The following TENM2 variants were observed in gnomAD, a reference collection of about 807,000 sequenced individuals.
The protein encoded by TENM2 is teneurin transmembrane protein 2, also known as teneurin-2.
A neutral mutation model predicts 245.2 loss-of-function variants in TENM2; 52 were observed. That is an observed-to-expected ratio of 0.21 (90% CI 0.17 to 0.27). The LOEUF (loss-of-function observed/expected upper bound fraction) is 0.27. Ranked by LOEUF, TENM2 falls within the 10% of genes least tolerant of loss-of-function variation. The pLI is 1.00. For missense variants in TENM2, 3,046 were observed against 3,666.8 expected (o/e 0.83, Z 4.37); for synonymous variants, 1,363 against 1,438.9 (o/e 0.95, Z 1.19).
chr5:167,581,862 T>C (rs1775118866), intron 2 of TENM2, among the ~76,000 whole-genome samples: 1 of 152,138 alleles, frequency 6.6e-6, no homozygotes, highest in Non-Finnish European at 1.5e-5. Flanking sequence ...AAATTAGATA[T>C]TATTTTCATG....
At chr5:167,909,895 A>G (rs1221505188) in intron 3 of TENM2, among the ~76,000 whole-genome samples, 1 of 151,024 alleles carries the variant, frequency 6.6e-6, no homozygotes, top group East Asian at 1.9e-4. Flanking sequence ...CCTGGCTTTG[A>G]AATTGTGAGT....
chr5:167,830,389 C>T (rs1211547499), intron 2 of TENM2, among the ~76,000 whole-genome samples: 1 of 152,172 alleles, frequency 6.6e-6, no homozygotes, highest in Non-Finnish European at 1.5e-5. Context: ...TGGGTATAAT[C>T]TAACAAGTTA....
At chr5:167,877,373 AT>A (rs1457599287) in intron 3 of TENM2, among the ~76,000 whole-genome samples, 2 of 152,222 alleles carry the variant, frequency 1.3e-5, no homozygotes, top group Non-Finnish European at 2.9e-5. Flanking sequence ...GGCCTGATAT[AT>A]TTAGTAAACT....
At chr5:167,534,849 T>C (rs1771746087) in intron 2 of TENM2, among the ~76,000 whole-genome samples, 2 of 152,196 alleles carry the variant, frequency 1.3e-5, no homozygotes, top group Non-Finnish European at 2.9e-5. Flanking sequence ...CCCTCATTCC[T>C]GATGTCACCT....
chr5:167,858,593 C>T (rs960489366), intron 2 of TENM2, among the ~76,000 whole-genome samples: 2 of 151,920 alleles, frequency 1.3e-5, no homozygotes, highest in Admixed American at 6.6e-5. Context: ...GGAGCCCGTC[C>T]GGCCATGGTG....
At chr5:167,165,024 T>A in the TENM2 span, 2 of 152,220 alleles carry the variant, frequency 1.3e-5, 1 homozygote, top group South Asian at 4.1e-4. Context: ...ATCAGCAATA[T>A]GCAATAACTT....
the TENM2 span, among the ~76,000 whole-genome samples, chr5:167,183,987 A>G: frequency 6.6e-6 from 1 of 152,176 alleles, no homozygotes; most frequent in Non-Finnish European, 1.5e-5. Flanking sequence ...TTTTGCCTAG[A>G]AGCACACATA....
the TENM2 span, among the ~76,000 whole-genome samples, chr5:167,129,771 A>AT: frequency 6.6e-5 from 10 of 152,292 alleles, no homozygotes; most frequent in East Asian, 1.9e-4. Flanking sequence ...TCTGGCTGTG[A>AT]TTTTTTTCCC....
chr5:168,030,189 A>G (rs568078634), intron 5 of TENM2, among the ~76,000 whole-genome samples: 3 of 43,944 alleles, frequency 6.8e-5, no homozygotes, highest in Non-Finnish European at 1.2e-4. Context: ...TTTTTTTTTC[A>G]TCTTTCCACC....
chr5:167,975,610 G>C (rs1562006145), intron 4 of TENM2, among the ~76,000 whole-genome samples: 1 of 152,148 alleles, frequency 6.6e-6, no homozygotes, highest in Non-Finnish European at 1.5e-5. Flanking sequence ...CACAGGGGTT[G>C]CCATAAAGCT....
rs547709387 is a variant in TENM2 at position 167,605,563 on chromosome 5, A to G, written c.502+230090A>G. On this transcript the variant is annotated intron_variant, in intron 2 of 28. Coordinates refer to ENST00000518659, the Ensembl canonical transcript of TENM2. ...AGCATAGTTAGGCCACTTGCATGCA[A>G]ACTGGAGGAGTATGTGTTATACAAG... 1.2e-3 allele frequency among the ~76,000 whole-genome samples: 188 copies of G among 152,342 alleles called. 1 individual carries two copies. Among genetic ancestry groups the G allele is most frequent in the South Asian group, 2.5e-3 (12 of 4,824 alleles).
the TENM2 span, among the ~76,000 whole-genome samples, chr5:167,018,689 A>T: frequency 6.6e-6 from 1 of 152,150 alleles, no homozygotes; most frequent in Non-Finnish European, 1.5e-5. Flanking sequence ...TGCCACAGAA[A>T]TATTTTGGAA....
At chr5:167,640,349 G>T in intron 2 of TENM2, among the ~76,000 whole-genome samples, 1 of 152,116 alleles carries the variant, frequency 6.6e-6, no homozygotes, top group East Asian at 1.9e-4. Context: ...CGGGCGCGGT[G>T]GTTCATGCCT....
the TENM2 span, among the ~76,000 whole-genome samples, chr5:167,035,254 C>A: frequency 6.6e-6 from 1 of 151,962 alleles, no homozygotes; most frequent in East Asian, 1.9e-4. Flanking sequence ...TGGAAGCAAC[C>A]ACATGGTAGT....
the TENM2 span, among the ~76,000 whole-genome samples, chr5:166,997,032 A>G: frequency 0.066 from 10,076 of 152,206 alleles, 528 homozygotes; most frequent in East Asian, 0.31. Context: ...CCCCTTACCT[A>G]TGGTGTATTT....
chr5:167,994,656 A>G (rs968230281), intron 5 of TENM2, among the ~76,000 whole-genome samples: 2 of 152,214 alleles, frequency 1.3e-5, no homozygotes, highest in African/African-American at 4.8e-5. Flanking sequence ...ATGCCCTCCC[A>G]AAGTGAGAAA....
intron 4 of TENM2, among the ~76,000 whole-genome samples, chr5:167,984,407 T>C (rs1418170899): frequency 6.6e-6 from 1 of 152,212 alleles, no homozygotes; most frequent in African/African-American, 2.4e-5. Flanking sequence ...CCCGTAATTC[T>C]AGCACTTTGG....
At chr5:167,223,470 C>A in the TENM2 span, among the ~76,000 whole-genome samples, 1 of 152,196 alleles carries the variant, frequency 6.6e-6, no homozygotes, top group South Asian at 2.1e-4. Context: ...ACTTGCTTCA[C>A]TTAACATAAT....
the TENM2 span, among the ~76,000 whole-genome samples, chr5:167,013,661 C>G: frequency 3.3e-5 from 5 of 152,086 alleles, no homozygotes; most frequent in South Asian, 8.3e-4. Flanking sequence ...GAACCAAGAT[C>G]GCACCACTGC....
Sources: allele counts gnomAD v4.1 joint callset (sites outside exome capture counted in the v4.1 genomes callset), GRCh38; gene constraint gnomAD v4.1.1; transcripts MANE v1.5; gene names NCBI Gene and HGNC (gene_info 2026-07-23, HGNC 2026-07-21).